The following TSPEAR variants were observed in gnomAD, a reference collection of about 807,000 sequenced individuals.
TSPEAR encodes thrombospondin-type laminin G domain and EAR repeat-containing protein.
Under a neutral mutation model 71.6 loss-of-function variants are expected in TSPEAR, and 69 were observed. That is an observed-to-expected ratio of 0.96 (90% confidence interval 0.79 to 1.18). The LOEUF (loss-of-function observed/expected upper bound fraction) is 1.18. TSPEAR is among the 50% of genes most tolerant of loss of function. TSPEAR has a pLI of 0.00. For synonymous variants in TSPEAR, 402 were observed against 387.2 expected (o/e 1.04, Z -0.45); for missense variants, 971 against 894.9 (o/e 1.09, Z -1.09).
rs964087576 is a variant in TSPEAR, at chr21:44,650,478, C to T, written c.82+60955G>A. Among the ~76,000 whole-genome samples, 6 of 152,350 alleles carry T rather than the reference C, an allele frequency of 3.9e-5. No individual in the cohort carries two copies. In the East Asian group the frequency reaches 9.7e-4, roughly 25 times the overall value. ...GGCAGAGATTGGGGCCACGTGATGA[C>T]GGAGGCAGAGATTGGGCAATGCCCC... is the stretch of plus-strand genomic sequence containing the variant. On this transcript the variant is annotated intron_variant, in intron 1 of 11. Transcript: ENST00000323084.
At chr21:44,681,397 A>G (rs1181447964) in intron 1 of TSPEAR, among the ~76,000 whole-genome samples, 1 of 152,248 alleles carries the variant, frequency 6.6e-6, no homozygotes, top group African/African-American at 2.4e-5. Context: ...GCTGGGCCCC[A>G]GGAGCCCTGG....
At chr21:44,590,242 A>T (rs1979684923) in intron 1 of TSPEAR, among the ~76,000 whole-genome samples, 1 of 152,258 alleles carries the variant, frequency 6.6e-6, no homozygotes, top group South Asian at 2.1e-4. Context: ...GACCTGGCAG[A>T]AAGAGTGCAG....
intron 1 of TSPEAR, among the ~76,000 whole-genome samples, chr21:44,648,765 C>G (rs1984592936): frequency 6.6e-6 from 1 of 152,180 alleles, no homozygotes; most frequent in African/African-American, 2.4e-5. Context: ...GCAGGGACAG[C>G]CATGGCCGAG....
At chr21:44,571,894 A>G (rs1466179599) in intron 1 of TSPEAR, among the ~76,000 whole-genome samples, 4 of 152,244 alleles carry the variant, frequency 2.6e-5, no homozygotes, top group Non-Finnish European at 2.9e-5. Flanking sequence ...TGGAAGGAAC[A>G]AGGCAGGGAG....
At chr21:44,587,360 T>C (rs1290256443) in intron 1 of TSPEAR, among the ~76,000 whole-genome samples, 2 of 152,164 alleles carry the variant, frequency 1.3e-5, no homozygotes, top group African/African-American at 4.8e-5. Context: ...CAAGGAAAAC[T>C]ACAAAGCACT....
At chr21:44,561,190 A>T (rs1555920982) in intron 2 of TSPEAR, among the ~76,000 whole-genome samples, 1 of 152,248 alleles carries the variant, frequency 6.6e-6, no homozygotes, top group Non-Finnish European at 1.5e-5. Context: ...CGGCCATCAG[A>T]GAATACTATA....
intron 2 of TSPEAR, among the ~76,000 whole-genome samples, chr21:44,541,061 G>C (rs186317390): frequency 6.6e-6 from 1 of 150,856 alleles, no homozygotes; most frequent in Non-Finnish European, 1.5e-5. Flanking sequence ...GCGTGAGCCC[G>C]GTGCCTGGCC....
chr21:44,503,308 C>T lies in TSPEAR; in HGVS notation c.1856+1472G>A, dbSNP rs587737941. ...TGAGCCCTCGGGGGGAAGCAAGGCT[C>T]TGGGAGGAGGCCGGCCTTGGTGAGC... is the stretch of plus-strand genomic sequence containing the variant. On this transcript the variant is annotated intron_variant, in intron 11 of 11. Coordinates refer to ENST00000323084, the MANE Select transcript of TSPEAR (RefSeq NM_144991.3). Among the ~76,000 whole-genome samples, 45 of 138,162 alleles carry T rather than the reference C, an allele frequency of 3.3e-4. No individual in the cohort carries two copies. The South Asian group carries it at 9.2e-3, about 28-fold the overall frequency. 90.6% of individuals were successfully genotyped at this position (138,162 alleles called of 152,430 possible).
intron 2 of TSPEAR, among the ~76,000 whole-genome samples, chr21:44,562,717 T>C (rs1394509932): frequency 6.6e-6 from 1 of 152,124 alleles, no homozygotes; most frequent in Non-Finnish European, 1.5e-5. Flanking sequence ...TGATGGTACA[T>C]TCAAAGTGCT....
At chr21:44,629,900 CGCAGGCCAG>C (rs1252553046) in intron 1 of TSPEAR, among the ~76,000 whole-genome samples, 2 of 152,110 alleles carry the variant, frequency 1.3e-5, no homozygotes, top group Non-Finnish European at 2.9e-5. Flanking sequence ...GGGGATGGAG[CGCAGGCCAG>C]GCAGCTGTGC....
rs1281319900 is a variant in TSPEAR at position 44,506,245 on chromosome 21, G to A, written c.1755-1364C>T. ...GCTCGGTTTGAGGGGTCTGAGGAGC[G>A]GCTCCCCTGGATCCTTTCCTCCCCA... is the stretch of plus-strand genomic sequence containing the variant. On this transcript the variant is annotated intron_variant, in intron 10 of 11. Coordinates refer to ENST00000323084, the MANE Select transcript of TSPEAR (RefSeq NM_144991.3). The surrounding 1 kb of genome is among the most constrained non-coding windows in gnomAD (Gnocchi z 4.2). 3.9e-5 allele frequency among the ~76,000 whole-genome samples: 6 copies of A among 152,218 alleles called. No homozygotes were observed. The highest frequency in any genetic ancestry group is 3.9e-4 in the East Asian group (2 of 5,190).
intron 1 of TSPEAR, chr21:44,574,599 T>C: frequency 7.7e-7 from 1 of 1,301,046 alleles, no homozygotes; most frequent in Non-Finnish European, 1.0e-6. Context: ...GCCTGTGTGC[T>C]GCAAGCCTGT....
chr21:44,692,180 A>T (rs1188329746), intron 1 of TSPEAR, among the ~76,000 whole-genome samples: 1 of 152,210 alleles, frequency 6.6e-6, no homozygotes, highest in African/African-American at 2.4e-5. Flanking sequence ...AACACTCAGA[A>T]AACTAGAAAT....
At chr21:44,622,261 C>T (rs1420107215) in intron 1 of TSPEAR, among the ~76,000 whole-genome samples, 1 of 152,038 alleles carries the variant, frequency 6.6e-6, no homozygotes, top group Non-Finnish European at 1.5e-5. Flanking sequence ...TACGTTTGAG[C>T]TTAAACCTCC....
intron 1 of TSPEAR, among the ~76,000 whole-genome samples, chr21:44,586,169 A>T (rs1398705751): frequency 6.6e-6 from 1 of 152,254 alleles, no homozygotes; most frequent in African/African-American, 2.4e-5. Context: ...ACCCTCAGTT[A>T]AAGACGCCTG....
chr21:44,522,227 G>T (rs587745506), intron 8 of TSPEAR, 115 bp from the exon 9 acceptor site: 13 of 980,198 alleles, frequency 1.3e-5, no homozygotes, highest in Non-Finnish European at 2.1e-5. Flanking sequence ...GACCCACGAG[G>T]ACAAGGCCAA....
rs201358935 is a variant in TSPEAR, at chr21:44,558,111, G to A, written c.303+9674C>T. 6.1e-5 allele frequency: 98 copies of A among 1,611,672 alleles called. No homozygotes were observed. Among genetic ancestry groups the A allele is most frequent in the African/African-American group, 8.0e-5 (6 of 74,992 alleles). On this transcript the variant is annotated intron_variant, in intron 2 of 11. Transcript: ENST00000323084. ...GCACGCGGAAGAGAGGCGGGAGCACGTGGGGCGGCAGAGGAGGGACACGCA... is the reference window on the plus strand; with the variant it reads ...GCACGCGGAAGAGAGGCGGGAGCACATGGGGCGGCAGAGGAGGGACACGCA...
In TSPEAR at chr21:44,687,065, T is replaced by C. The variant is rs1280497242; in HGVS notation, c.82+24368A>G. 6.6e-6 allele frequency among the ~76,000 whole-genome samples: 1 copy of C among 152,122 alleles called. No individual in the cohort carries two copies. The highest frequency in any genetic ancestry group is 1.5e-5 in the Non-Finnish European group (1 of 68,020). On this transcript the variant is annotated intron_variant, in intron 1 of 11. Transcript: ENST00000323084. This position sits in a 1 kb window ranked among gnomAD's most constrained non-coding sequence, Gnocchi z 4.4. ...ACGAGGATCTCTCAGCCAGGACTCT[T>C]CTGGAGCCTGGAAACCAAGCCACAG...
chr21:44,661,609 G>T (rs1985501208), intron 1 of TSPEAR, among the ~76,000 whole-genome samples: 1 of 152,178 alleles, frequency 6.6e-6, no homozygotes, highest in Non-Finnish European at 1.5e-5. Context: ...AAGAAAGGAG[G>T]TTTAATTGGC....
Sources: allele counts gnomAD v4.1 joint callset (sites outside exome capture counted in the v4.1 genomes callset), GRCh38; gene constraint gnomAD v4.1.1; non-coding constraint Gnocchi (gnomAD v3.1); transcripts MANE v1.5; gene names NCBI Gene and HGNC (gene_info 2026-07-23, HGNC 2026-07-21).